The following TMEM135 variants were observed in gnomAD, a reference collection of about 807,000 sequenced individuals.
TMEM135 encodes the protein transmembrane protein 135, also known as peroxisomal membrane protein 52.
TMEM135 carries 30 observed loss-of-function variants against 60.3 expected under a neutral mutation model. The observed-to-expected ratio is 0.50, with a 90% CI of 0.37 to 0.68. The LOEUF (loss-of-function observed/expected upper bound fraction) is 0.68, where lower values mean the gene tolerates loss of function less well. Ranked by LOEUF, TMEM135 falls within the 30% of genes least tolerant of loss-of-function variation. TMEM135 has a pLI of 0.00. For synonymous variants in TMEM135, 190 were observed against 186.7 expected (o/e 1.02, Z -0.14); for missense variants, 468 against 548.8 (o/e 0.85, Z 1.47).
rs1424237817 is a variant in TMEM135 at position 87,325,912 on chromosome 11, A to ATGTCCCTCCT, written c.*4579_*4580insTGTCCCTCCT. 3 of 453,822 alleles carry ATGTCCCTCCT rather than the reference A, an allele frequency of 6.6e-6. No homozygotes were observed. Among genetic ancestry groups the ATGTCCCTCCT allele is most frequent in the Non-Finnish European group, 1.3e-5 (3 of 226,764 alleles). The allele number at this position is 453,822 out of a possible 1,614,324, so 28.1% of individuals were successfully genotyped here. A position where few individuals can be genotyped will look rare whatever the true frequency, so the allele number is the denominator to read the frequency against. On this transcript the variant is annotated 3_prime_UTR_variant, in exon 15 of 15. Transcript: ENST00000305494. ...TTTTTTTCCATCTGTCCCTCCTACG[A>ATGTCCCTCCT]ATATGTTTTACATGAAATAATGTAT...
intron 4 of TMEM135, among the ~76,000 whole-genome samples, chr11:87,155,708 G>C (rs962731646): frequency 6.6e-6 from 1 of 152,292 alleles, no homozygotes; most frequent in East Asian, 1.9e-4. Flanking sequence ...TGGTCCAAGA[G>C]TGCAGGGTGA....
chr11:87,134,465 T>C (rs1938033580), intron 4 of TMEM135, among the ~76,000 whole-genome samples: 1 of 152,148 alleles, frequency 6.6e-6, no homozygotes, highest in Non-Finnish European at 1.5e-5. Context: ...AGAGCACATG[T>C]CTAGTATTTT....
chr11:87,167,979 A>G (rs935985156), intron 5 of TMEM135, among the ~76,000 whole-genome samples: 7 of 152,122 alleles, frequency 4.6e-5, no homozygotes, highest in African/African-American at 1.7e-4. Flanking sequence ...TACTGCCTCA[A>G]TTTCAGAACT....
chr11:87,173,578 G>A (rs1183959709), intron 5 of TMEM135, among the ~76,000 whole-genome samples: 1 of 152,094 alleles, frequency 6.6e-6, no homozygotes, highest in African/African-American at 2.4e-5. Flanking sequence ...TGTCTGTAAG[G>A]CAGCTAGCAC....
At chr11:87,160,892 A>C (rs117774471) in intron 5 of TMEM135, among the ~76,000 whole-genome samples, 1 of 152,058 alleles carries the variant, frequency 6.6e-6, no homozygotes, top group Non-Finnish European at 1.5e-5. Context: ...AAAGGAGATC[A>C]TTTTTCTGTG....
At chr11:87,263,597 T>A (rs112424681) in intron 6 of TMEM135, among the ~76,000 whole-genome samples, 1,785 of 152,250 alleles carry the variant, frequency 0.012, 38 homozygotes, top group African/African-American at 0.039. Context: ...TTCTTTTTAG[T>A]CCAGTATGTT....
At chr11:87,318,097 G>GT (rs1348610947) in intron 12 of TMEM135, 40 bp from the exon 13 acceptor site, 12 of 1,528,338 alleles carry the variant, frequency 7.9e-6, no homozygotes, top group Non-Finnish European at 1.1e-5. Flanking sequence ...TAATGCTGAG[G>GT]TTTTTTCTTT....
intron 4 of TMEM135, among the ~76,000 whole-genome samples, chr11:87,152,422 A>T (rs1938580187): frequency 6.6e-6 from 1 of 151,878 alleles, no homozygotes; most frequent in South Asian, 2.1e-4. Flanking sequence ...GACTTCTAGG[A>T]TTTTATTTTT....
intron 5 of TMEM135, among the ~76,000 whole-genome samples, chr11:87,165,684 G>A (rs1027577257): frequency 9.9e-5 from 15 of 151,426 alleles, no homozygotes; most frequent in Non-Finnish European, 1.9e-4. Context: ...CTCTTTACTA[G>A]AAAAGCAAGA....
chr11:87,291,515 A>ATTTTTTTT lies in TMEM135; in HGVS notation c.510-4240_510-4233dup, dbSNP rs869273724. 4.2e-4 allele frequency among the ~76,000 whole-genome samples: 21 copies of ATTTTTTTT among 50,570 alleles called. 1 individual carries two copies. The highest frequency in any genetic ancestry group is 6.3e-4 in the Non-Finnish European group (18 of 28,638). The allele number at this position is 50,570 out of a possible 152,430, so 33.2% of individuals were successfully genotyped here. A position where few individuals can be genotyped will look rare whatever the true frequency, so the allele number is the denominator to read the frequency against. On this transcript the variant is annotated intron_variant, in intron 6 of 14. Coordinates refer to ENST00000305494, the MANE Select transcript of TMEM135 (RefSeq NM_022918.4). ...TGTAAGTCTATCCAGCAGCCAAGTG[A>ATTTTTTTT]TTTTTTTTTTTTTTTTTTTTTTTTT...
At chr11:87,097,844 A>G (rs1429182125) in intron 4 of TMEM135, among the ~76,000 whole-genome samples, 1 of 152,096 alleles carries the variant, frequency 6.6e-6, no homozygotes, top group African/African-American at 2.4e-5. Context: ...GAGGCCTTCC[A>G]CATCTATCTC....
At chr11:87,055,737 T>C (rs1316280277) in intron 1 of TMEM135, among the ~76,000 whole-genome samples, 1 of 152,094 alleles carries the variant, frequency 6.6e-6, no homozygotes, top group Non-Finnish European at 1.5e-5. Flanking sequence ...ACTACAAGTA[T>C]GCGCCACCAT....
intron 1 of TMEM135, among the ~76,000 whole-genome samples, chr11:87,062,027 A>T (rs575672773): frequency 1.3e-5 from 2 of 151,962 alleles, no homozygotes; most frequent in East Asian, 3.9e-4. Flanking sequence ...TTTTCTTGAG[A>T]CAAAGTCTCA....
At chr11:87,230,745 G>A (rs1179255606) in intron 5 of TMEM135, among the ~76,000 whole-genome samples, 1 of 152,000 alleles carries the variant, frequency 6.6e-6, no homozygotes, top group African/African-American at 2.4e-5. Context: ...GCAGTGATGA[G>A]AATGATCTAT....
intron 5 of TMEM135, among the ~76,000 whole-genome samples, chr11:87,196,654 T>C (rs1939964478): frequency 1.3e-5 from 2 of 152,160 alleles, no homozygotes; most frequent in South Asian, 4.1e-4. Context: ...CTTTTTGGAG[T>C]TGTCAGGAAG....
intron 5 of TMEM135, among the ~76,000 whole-genome samples, chr11:87,170,441 G>A (rs528320970): frequency 6.2e-4 from 95 of 152,258 alleles, no homozygotes; most frequent in Admixed American, 2.0e-3. Context: ...TTTGTTCTTT[G>A]ATGTTGGTGA....
At chr11:87,315,896 G>A (rs1229306521) in intron 12 of TMEM135, among the ~76,000 whole-genome samples, 1 of 151,804 alleles carries the variant, frequency 6.6e-6, no homozygotes, top group Non-Finnish European at 1.5e-5. Flanking sequence ...GGCCATGAGA[G>A]CTTCCTTAAG....
In TMEM135 at chr11:87,216,977, T is replaced by G. The variant is rs191614619; in HGVS notation, c.463-19661T>G. On this transcript the variant is annotated intron_variant, in intron 5 of 14. Transcript: ENST00000305494. ...AATAGCATAATAAAAAGGCTCTGAG[T>G]ATATTGATGGAGGCATATCATTTGG... 1.4e-3 allele frequency among the ~76,000 whole-genome samples: 212 copies of G among 152,304 alleles called. 2 individuals carry two copies. The highest frequency in any genetic ancestry group is 4.8e-3 in the African/African-American group (199 of 41,558).
intron 7 of TMEM135, among the ~76,000 whole-genome samples, chr11:87,298,954 G>A (rs1942397032): frequency 6.6e-6 from 1 of 152,016 alleles, no homozygotes; most frequent in African/African-American, 2.4e-5. Flanking sequence ...TGGGTGTGGT[G>A]ATGGGCGCCT....
Sources: allele counts gnomAD v4.1 joint callset (sites outside exome capture counted in the v4.1 genomes callset), GRCh38; gene constraint gnomAD v4.1.1; transcripts MANE v1.5; gene names NCBI Gene and HGNC (gene_info 2026-07-23, HGNC 2026-07-21).